The following USP47 variants were observed in gnomAD, a reference collection of about 807,000 sequenced individuals.
The protein encoded by USP47 is ubiquitin carboxyl-terminal hydrolase 47.
A neutral mutation model predicts 165.1 loss-of-function variants in USP47; 35 were observed. That is an observed-to-expected ratio of 0.21 (90% confidence interval 0.16 to 0.28). USP47 has a LOEUF of 0.28. Ranked by LOEUF, USP47 falls within the 10% of genes least tolerant of loss-of-function variation. The pLI, the probability that USP47 is intolerant of heterozygous loss-of-function variation, is 1.00. For synonymous variants in USP47, 531 were observed against 544.5 expected, an observed-to-expected ratio of 0.98 and a Z score of 0.35; for missense variants, 1,277 against 1,607.4, an observed-to-expected ratio of 0.79 and a Z score of 3.52.
intron 1 of USP47, among the ~76,000 whole-genome samples, chr11:11,876,887 C>G (rs546837124): frequency 6.6e-6 from 1 of 151,816 alleles, no homozygotes; most frequent in African/African-American, 2.4e-5. Flanking sequence ...CTTAGATGGT[C>G]ACGTCAGATT....
At chr11:11,893,295 T>C (rs1410633629) in intron 4 of USP47, among the ~76,000 whole-genome samples, 1 of 152,196 alleles carries the variant, frequency 6.6e-6, no homozygotes, top group African/African-American at 2.4e-5. Flanking sequence ...ATTGCATATG[T>C]CATTAATGGT....
intron 19 of USP47, among the ~76,000 whole-genome samples, chr11:11,941,327 A>G (rs1274093079): frequency 1.6e-5 from 1 of 61,218 alleles, no homozygotes; most frequent in Non-Finnish European, 2.9e-5. Context: ...TAGGGTAAGA[A>G]GTGCAGTAGG....
chr11:11,918,814 T>C (rs1853613906), intron 8 of USP47, among the ~76,000 whole-genome samples: 1 of 152,016 alleles, frequency 6.6e-6, no homozygotes, highest in South Asian at 2.1e-4. Flanking sequence ...TTTTTGAATA[T>C]TGAGTTTTTA....
intron 8 of USP47, among the ~76,000 whole-genome samples, chr11:11,915,806 A>T (rs530077697): frequency 4.3e-4 from 65 of 152,324 alleles, no homozygotes; most frequent in Non-Finnish European, 8.5e-4. Flanking sequence ...GTTCCTGTAT[A>T]TCAGTAGTAC....
At chr11:11,849,378 G>A (rs563294655) in intron 1 of USP47, among the ~76,000 whole-genome samples, 1 of 152,180 alleles carries the variant, frequency 6.6e-6, no homozygotes, top group Non-Finnish European at 1.5e-5. Context: ...CAATGTTGGG[G>A]GAGGGGAGGA....
In USP47 at chr11:11,942,471, C is replaced by G; in HGVS notation, c.2450C>G (p.Ser817Cys). 1 of 1,613,506 alleles carries G rather than the reference C, an allele frequency of 6.2e-7. No homozygotes were observed. The highest frequency in any genetic ancestry group is 8.5e-7 in the Non-Finnish European group (1 of 1,179,706). The change falls in exon 20 of 28, where the codon TCC becomes TGC. Residue 817 changes from serine (S) to cysteine (C), a missense_variant. By Grantham distance (112) the Ser-to-Cys change is moderately radical. This residue lies in a region of USP47 where 909 missense variants were observed against 1,068.1 expected (regional missense o/e 0.85). Coordinates refer to ENST00000527733, the MANE Select transcript of USP47 (RefSeq NM_001282659.2). ...LLPEQSPVSY[S>C]KRTAYQKAGG... is the part of the protein sequence containing the mutation. ...CCTGAACAATCCCCAGTATCTTATT[C>G]CAAAAGGACAGCATACCAGAAAGCT... is the stretch of plus-strand genomic sequence containing the variant.
chr11:11,924,475 A>G (rs779822037), intron 11 of USP47, among the ~76,000 whole-genome samples: 2 of 152,190 alleles, frequency 1.3e-5, no homozygotes, highest in Non-Finnish European at 2.9e-5. Flanking sequence ...GGGCTCATGT[A>G]ATAAGTTAGG....
intron 25 of USP47, 102 bp from the exon 26 acceptor site, chr11:11,954,795 T>G (rs1856459273): frequency 7.5e-7 from 1 of 1,338,710 alleles, no homozygotes; most frequent in Non-Finnish European, 1.0e-6. Context: ...CATGAAACAT[T>G]TTTTAAACTG....
chr11:11,885,108 C>T (rs1851069496), intron 3 of USP47, among the ~76,000 whole-genome samples: 1 of 152,142 alleles, frequency 6.6e-6, no homozygotes, highest in Admixed American at 6.5e-5. Flanking sequence ...GTGGACTTTC[C>T]TGTTCAGCCC....
At chr11:11,939,318 C>G (rs1029383293) in intron 18 of USP47, among the ~76,000 whole-genome samples, 1 of 151,882 alleles carries the variant, frequency 6.6e-6, no homozygotes, top group Non-Finnish European at 1.5e-5. Flanking sequence ...TTCAGTCATT[C>G]ATCTTATGGT....
rs563828000 is a variant in USP47, at chr11:11,920,224, T to G, written c.1038T>G (p.Arg346=). The G allele has an allele frequency of 6.2e-7, 1 of 1,609,702 alleles. No individual in the cohort carries two copies. Among genetic ancestry groups the G allele is most frequent in the Admixed American group, 1.7e-5 (1 of 59,512 alleles). Residue 346 remains arginine (R), a synonymous_variant, in exon 9 of 28, where the codon CGT becomes CGG. Coordinates refer to ENST00000527733, the MANE Select transcript of USP47 (RefSeq NM_001282659.2). The part of the protein sequence containing the change: ...LDGPNQYFCE[R]CKKKCDARKG... Reference sequence around the variant, plus strand: ...GCCCAAATCAGTATTTTTGTGAACGTTGTAAGAAGAAGTGTGATGCACGGA... The same window carrying G: ...GCCCAAATCAGTATTTTTGTGAACGGTGTAAGAAGAAGTGTGATGCACGGA...
chr11:11,867,245 A>G (rs114012196), intron 1 of USP47, among the ~76,000 whole-genome samples: 1,633 of 152,152 alleles, frequency 0.011, 27 homozygotes, highest in African/African-American at 0.037. Flanking sequence ...TCTGCTTGAG[A>G]TTTGTTGAGA....
At chr11:11,889,533 A>C (rs1200168430) in intron 3 of USP47, among the ~76,000 whole-genome samples, 1 of 152,036 alleles carries the variant, frequency 6.6e-6, no homozygotes, top group East Asian at 1.9e-4. Context: ...GGAGAACTAT[A>C]AACTGCTGAA....
At chr11:11,954,048 G>A (rs772447445) in intron 25 of USP47, among the ~76,000 whole-genome samples, 10 of 152,004 alleles carry the variant, frequency 6.6e-5, no homozygotes, top group Non-Finnish European at 1.3e-4. Context: ...TCAGGAGTTC[G>A]AGACCAGCCT....
intron 4 of USP47, among the ~76,000 whole-genome samples, chr11:11,892,666 A>C (rs577053135): frequency 7.0e-4 from 106 of 151,782 alleles, no homozygotes; most frequent in Non-Finnish European, 1.2e-3. Flanking sequence ...AAATAAAAAA[A>C]TTAGCTGGGC....
intron 4 of USP47, among the ~76,000 whole-genome samples, chr11:11,896,710 AAC>A (rs1402802831): frequency 6.6e-6 from 1 of 152,132 alleles, no homozygotes; most frequent in East Asian, 1.9e-4. Context: ...GTCGTTACAA[AAC>A]AGTGAGATAA....
In USP47 at chr11:11,961,691, T is replaced by G. The variant is rs1847459663; in HGVS notation, c.*5516T>G. Among the ~76,000 whole-genome samples, 1 of 152,196 alleles carries G rather than the reference T, an allele frequency of 6.6e-6. No individual in the cohort carries two copies. The highest frequency in any genetic ancestry group is 2.4e-5 in the African/African-American group (1 of 41,452). On this transcript the variant is annotated 3_prime_UTR_variant, in exon 28 of 28. Transcript: ENST00000527733. Reference sequence around the variant, plus strand: ...TGTTTGCCACTCTCCTTTTGTCAATTGGGAAAAAATTCCAGAAACTCTGGG... The same window carrying G: ...TGTTTGCCACTCTCCTTTTGTCAATGGGGAAAAAATTCCAGAAACTCTGGG...
chr11:11,957,413 A>G lies in USP47; in HGVS notation c.*1238A>G, dbSNP rs1564899401. 1 of 152,666 alleles carries G rather than the reference A, an allele frequency of 6.6e-6. No homozygotes were observed. The highest frequency in any genetic ancestry group is 1.5e-5 in the Non-Finnish European group (1 of 68,034). 9.5% of individuals were successfully genotyped at this position (152,666 alleles called of 1,614,324 possible). ...CACAATTCTACATAAATTTTGACAT[A>G]CCATCTAATTTATAAAAATCAATAA... On this transcript the variant is annotated 3_prime_UTR_variant, in exon 28 of 28. Coordinates refer to ENST00000527733, the MANE Select transcript of USP47 (RefSeq NM_001282659.2).
chr11:11,936,541 C>A, intron 17 of USP47, 31 bp downstream of exon 17: 1 of 1,465,250 alleles, frequency 6.8e-7, no homozygotes, highest in Non-Finnish European at 9.1e-7. Flanking sequence ...TTTAGTTGTT[C>A]TGTACTTAGA....
Sources: gnomAD v4.1 joint callset for allele counts (sites outside exome capture counted in the v4.1 genomes callset) on GRCh38, gnomAD v4.1.1 for gene constraint, gnomAD v4.1.1 regional missense constraint, MANE v1.5 for transcripts, NCBI Gene and HGNC (gene_info 2026-07-23, HGNC 2026-07-21) for gene names.